HSPH1: variants seen among roughly 807,000 people sequenced by gnomAD.
HSPH1 encodes heat shock protein family H (Hsp110) member 1.
A neutral mutation model predicts 100.0 loss-of-function variants in HSPH1; 40 were observed. The observed-to-expected ratio is 0.40, with a 90% CI of 0.31 to 0.52. The LOEUF (loss-of-function observed/expected upper bound fraction) is 0.52, where lower values mean the gene tolerates loss of function less well. Ranked by LOEUF, HSPH1 falls within the 20% of genes least tolerant of loss-of-function variation. HSPH1 has a pLI of 0.54. For missense variants in HSPH1, 876 were observed against 1,015.1 expected, an observed-to-expected ratio of 0.86 and a Z score of 1.86; for synonymous variants, 403 against 344.0, an observed-to-expected ratio of 1.17 and a Z score of -1.90.
intron 10 of HSPH1, 27 bp downstream of exon 10, chr13:31,147,932 G>A (rs1956326636): frequency 6.4e-7 from 1 of 1,551,816 alleles, no homozygotes. Flanking sequence ...AACTAAAAGA[G>A]TAAAATATAC....
At chr13:31,147,059 A>C (rs1956288274) in intron 10 of HSPH1, among the ~76,000 whole-genome samples, 1 of 152,182 alleles carries the variant, frequency 6.6e-6, no homozygotes, top group Admixed American at 6.5e-5. Context: ...TTACTCTGGA[A>C]AGTGGGATGT....
rs755141032 is a variant in HSPH1, at chr13:31,139,113, C to G, written c.1981-6G>C. 6.5e-7 allele frequency: 1 copy of G among 1,547,190 alleles called. No individual in the cohort carries two copies. Among genetic ancestry groups the G allele is most frequent in the Middle Eastern group, 1.7e-4 (1 of 5,916 alleles). ...CTCAAAAAATTTTGATGATCCTTAA[C>G]ACAAAATATGACAATATTAGTGGCA... On this transcript the variant is annotated splice_region_variant and splice_polypyrimidine_tract_variant and intron_variant, in intron 14 of 17. Transcript: ENST00000320027.
At position 31,161,626 on chromosome 13, in the gene HSPH1, C is replaced by T. The variant is rs1566021888; in HGVS notation, c.-44G>A. The T allele has an allele frequency of 1.1e-5, 18 of 1,604,072 alleles. No homozygotes were observed. The highest frequency in any genetic ancestry group is 1.4e-5 in the Non-Finnish European group (17 of 1,178,810). On this transcript the variant is annotated 5_prime_UTR_variant, in exon 1 of 18. Transcript: ENST00000320027. ...CTCCGCCTCGGGTCTCGGTCTGCGT[C>T]CTCCGGCCCCCTGCCTGCTTCTCCT...
intron 17 of HSPH1, among the ~76,000 whole-genome samples, chr13:31,137,903 A>T (rs965768496): frequency 3.3e-5 from 5 of 152,278 alleles, no homozygotes; most frequent in Non-Finnish European, 5.9e-5. Flanking sequence ...ACAGTGCTTA[A>T]AAGGGTCACT....
intron 3 of HSPH1, among the ~76,000 whole-genome samples, 176 bp from the exon 4 acceptor site, chr13:31,154,931 G>A (rs535255456): frequency 6.6e-6 from 1 of 152,124 alleles, no homozygotes; most frequent in South Asian, 2.1e-4. Flanking sequence ...AGGGAAGGGG[G>A]AGAGAAAGGA....
chr13:31,139,303 G>A lies in HSPH1; in HGVS notation c.1981-196C>T, dbSNP rs1593712583. The A allele has an allele frequency of 1.3e-5, 7 of 537,160 alleles. No homozygotes were observed. In the East Asian group the frequency reaches 2.0e-4, roughly 16 times the overall value. 33.3% of individuals were successfully genotyped at this position (537,160 alleles called of 1,614,324 possible). ...ATATTTTATCTTAGAAGCCCAATCT[G>A]TACAATGAAATGTGGTTTCTAGAAG... On this transcript the variant is annotated intron_variant, in intron 14 of 17. Transcript: ENST00000320027.
chr13:31,160,843 T>TAG (rs943904070), intron 1 of HSPH1, among the ~76,000 whole-genome samples: 4 of 152,232 alleles, frequency 2.6e-5, no homozygotes, highest in African/African-American at 9.6e-5. Flanking sequence ...CCAACAATGT[T>TAG]AGCAACGAAG....
At chr13:31,142,375 C>T (rs912105397) in intron 12 of HSPH1, among the ~76,000 whole-genome samples, 3 of 152,056 alleles carry the variant, frequency 2.0e-5, no homozygotes, top group Admixed American at 6.6e-5. Context: ...TGTATCACTA[C>T]GGATGAGCTA....
At chr13:31,159,707 A>C (rs1225569579) in intron 1 of HSPH1, among the ~76,000 whole-genome samples, 1 of 152,204 alleles carries the variant, frequency 6.6e-6, no homozygotes, top group East Asian at 1.9e-4. Flanking sequence ...CTGCTTAGGT[A>C]TGAGTAATGG....
At chr13:31,162,210 A>C, upstream of HSPH1, 5 of 913,848 alleles carry the variant, frequency 5.5e-6, no homozygotes, top group Non-Finnish European at 8.4e-6. Context: ...TGACTCCAAA[A>C]CTCGGAATAG....
chr13:31,161,968 C>T (rs750150846), upstream of HSPH1: 24 of 1,536,052 alleles, frequency 1.6e-5, no homozygotes, highest in Non-Finnish European at 1.7e-5. Context: ...CCAGAATCTG[C>T]GGCATTTACT....
At chr13:31,162,356 T>A, upstream of HSPH1, 1 of 553,372 alleles carries the variant, frequency 1.8e-6, no homozygotes, top group South Asian at 2.1e-5. Context: ...CCGGAGAGCA[T>A]GTTGGGAATC....
intron 13 of HSPH1, 27 bp downstream of exon 13, chr13:31,141,095 A>C: frequency 7.1e-7 from 1 of 1,409,028 alleles, no homozygotes; most frequent in Non-Finnish European, 9.6e-7. Flanking sequence ...ATATTTCAAA[A>C]TAAAAATATT....
At position 31,137,477 on chromosome 13, in the gene HSPH1, T is replaced by G. The variant is rs372433952; in HGVS notation, c.2418A>C (p.Lys806Asn). 2.5e-6 allele frequency: 4 copies of G among 1,613,624 alleles called. No individual in the cohort carries two copies. The highest frequency in any genetic ancestry group is 3.4e-6 in the Non-Finnish European group (4 of 1,179,772). Residue 806 changes from lysine (K) to asparagine (N), a missense_variant, in exon 18 of 18, where the codon AAA becomes AAC. Coordinates refer to ENST00000320027, the MANE Select transcript of HSPH1 (RefSeq NM_006644.4). The part of the protein sequence containing the change: ...CEPVVTQPKP[K>N]IESPKLERTP... Reference sequence around the variant, plus strand: ...TTCTTTCCAGTTTGGGTGATTCAATTTTTGGTTTCGGTTGTGTTACAACGG... The same window carrying G: ...TTCTTTCCAGTTTGGGTGATTCAATGTTTGGTTTCGGTTGTGTTACAACGG...
Position 31,155,543 on chromosome 13 carries a change from G to C in HSPH1, c.277C>G (p.Pro93Ala). The stretch of plus-strand genomic sequence containing the variant: ...ATTCCAACTCCACCATTTTTCAATG[G>C]AACCAAATCGTAACTCAAGTTTTCC... ...EKENLSYDLV[P>A]LKNGGVGIKV... The change falls in exon 3 of 18, where the codon CCA (proline) becomes GCA (alanine). Residue 93 changes from proline (P) to alanine (A), a missense_variant. By Grantham distance (27) the Pro-to-Ala change is conservative. Transcript: ENST00000320027. The C allele has an allele frequency of 6.2e-7, 1 of 1,610,884 alleles. No homozygotes were observed. The highest frequency in any genetic ancestry group is 1.1e-5 in the South Asian group (1 of 90,488).
rs569426567 is a variant in HSPH1, at chr13:31,147,659, CTG to C, written c.1378+298_1378+299del. Reference sequence around the variant, plus strand: ...GCACGGATAATCCTTTATATACAGACTGTATCAGAACAGTGAAAATATTAAAG... The same window carrying C: ...GCACGGATAATCCTTTATATACAGACTATCAGAACAGTGAAAATATTAAAG... On this transcript the variant is annotated intron_variant, in intron 10 of 17. Coordinates refer to ENST00000320027, the MANE Select transcript of HSPH1 (RefSeq NM_006644.4). Among the ~76,000 whole-genome samples the C allele has an allele frequency of 2.2e-4, 33 of 152,106 alleles. No individual in the cohort carries two copies. The South Asian group carries it at 5.4e-3, about 25-fold the overall frequency.
intron 12 of HSPH1, among the ~76,000 whole-genome samples, chr13:31,143,472 T>C (rs542478725): frequency 1.3e-5 from 2 of 152,248 alleles, no homozygotes; most frequent in South Asian, 4.1e-4. Context: ...CTGGTAAATA[T>C]CAAGTTCTGC....
rs113062016 is a variant in HSPH1, at chr13:31,155,640, T to G, written c.180A>C (p.Ala60=). 5.6e-6 allele frequency: 9 copies of G among 1,597,484 alleles called. No individual in the cohort carries two copies. The highest frequency in any genetic ancestry group is 7.7e-6 in the Non-Finnish European group (9 of 1,172,624). The change falls in exon 3 of 18, where the codon GCA becomes GCC. Residue 60 remains alanine (A), a synonymous_variant. Transcript: ENST00000320027. ...TTTTGAAGTTAGACACCGTATTGTT[T>G]GCATGAGTGATTTGCTGCAAAAAGA... ...VAAKNQQITH[A]NNTVSNFKRF...
chr13:31,150,655 T>C (rs943138004), intron 7 of HSPH1, among the ~76,000 whole-genome samples: 18 of 152,210 alleles, frequency 1.2e-4, no homozygotes, highest in African/African-American at 3.6e-4. Context: ...AGTATCTCTG[T>C]GAAACGAGTT....
Sources: gnomAD v4.1 joint callset for allele counts (sites outside exome capture counted in the v4.1 genomes callset) on GRCh38, gnomAD v4.1.1 for gene constraint, MANE v1.5 for transcripts, NCBI Gene and HGNC (gene_info 2026-07-23, HGNC 2026-07-21) for gene names.